Variants in EFCAB8 observed in about 807,000 individuals in gnomAD.
The protein encoded by EFCAB8 is EF-hand calcium binding domain 8.
In EFCAB8, 100 loss-of-function variants were observed where a neutral mutation model predicts 116.3. That is an observed-to-expected ratio of 0.86 (90% CI 0.73 to 1.02). The LOEUF (loss-of-function observed/expected upper bound fraction) is 1.02, where lower values mean the gene tolerates loss of function less well. EFCAB8 is among the 50% of genes least tolerant of loss of function. The probability of loss-of-function intolerance (pLI) is 0.00; values close to 1 mark genes in which losing one functional copy is unlikely to be tolerated. For synonymous variants in EFCAB8, 558 were observed against 567.9 expected (o/e 0.98, Z 0.25); for missense variants, 1,320 against 1,416.9 (o/e 0.93, Z 1.10).
intron 6 of EFCAB8, among the ~76,000 whole-genome samples, chr20:32,888,942 T>G (rs1457771395): frequency 1.3e-5 from 2 of 150,356 alleles, no homozygotes; most frequent in African/African-American, 4.9e-5. Context: ...TATTCAAGAG[T>G]TTGGTTGGTT....
chr20:32,927,108 A>G (rs547247206), intron 20 of EFCAB8, among the ~76,000 whole-genome samples: 130 of 152,308 alleles, frequency 8.5e-4, no homozygotes, highest in Non-Finnish European at 1.4e-3. Context: ...GCACAAAATT[A>G]TAAAAAATTA....
In EFCAB8 at chr20:32,960,045, T is replaced by C. The variant is rs1989093495; in HGVS notation, c.3295-18T>C. On this transcript the variant is annotated intron_variant, in intron 25 of 26. Coordinates refer to ENST00000400522, the MANE Select transcript of EFCAB8 (RefSeq NM_001143967.2). ...ACCCCCAACTCGCAGCCTTCATTCT[T>C]GGGCGTGGCTCCTGCAGGTGAGCAA... 1 of 1,551,588 alleles carries C rather than the reference T, an allele frequency of 6.4e-7. No homozygotes were observed. The highest frequency in any genetic ancestry group is 8.7e-7 in the Non-Finnish European group (1 of 1,146,942).
At chr20:32,906,209 T>C (rs954127662) in intron 11 of EFCAB8, among the ~76,000 whole-genome samples, 10 of 152,164 alleles carry the variant, frequency 6.6e-5, no homozygotes, top group South Asian at 2.1e-4. Context: ...GTACAGTTGA[T>C]GTGAAAATCA....
intron 20 of EFCAB8, among the ~76,000 whole-genome samples, chr20:32,921,917 C>T (rs988893399): frequency 2.0e-5 from 3 of 149,980 alleles, no homozygotes; most frequent in Admixed American, 6.7e-5. Flanking sequence ...TGCACCTCTG[C>T]GTCCTGAGTT....
intron 22 of EFCAB8, among the ~76,000 whole-genome samples, chr20:32,942,810 G>A (rs577266321): frequency 1.2e-4 from 19 of 152,106 alleles, no homozygotes; most frequent in African/African-American, 4.1e-4. Flanking sequence ...TCATTTGGGT[G>A]TAAGATAAAA....
chr20:32,878,822 C>T lies in EFCAB8; in HGVS notation c.431+15C>T. On this transcript the variant is annotated intron_variant, in intron 5 of 26. Coordinates refer to ENST00000400522, the MANE Select transcript of EFCAB8 (RefSeq NM_001143967.2). Reference sequence around the variant, plus strand: ...GTCGTCCCCCTGTAAGGAGCCTCTTCCTGGGCCTTGGTGGGTGGGGTGACT... The same window carrying T: ...GTCGTCCCCCTGTAAGGAGCCTCTTTCTGGGCCTTGGTGGGTGGGGTGACT... 1 of 1,550,146 alleles carries T rather than the reference C, an allele frequency of 6.5e-7. No homozygotes were observed.
At chr20:32,892,148 C>T in intron 7 of EFCAB8, 65 bp from the exon 8 acceptor site, 1 of 1,384,122 alleles carries the variant, frequency 7.2e-7, no homozygotes, top group Admixed American at 2.0e-5. Context: ...TGAGGCTGCT[C>T]ACTGTGACTG....
At chr20:32,911,767 C>A in intron 16 of EFCAB8, 60 bp downstream of exon 16, 4 of 1,491,170 alleles carry the variant, frequency 2.7e-6, no homozygotes, top group Non-Finnish European at 2.7e-6. Flanking sequence ...AGCACAGCTC[C>A]TTTGACCCTG....
At chr20:32,934,586 C>A (rs1988031361) in intron 22 of EFCAB8, among the ~76,000 whole-genome samples, 1 of 152,182 alleles carries the variant, frequency 6.6e-6, no homozygotes, top group African/African-American at 2.4e-5. Context: ...CCACACAAAT[C>A]TCATCTTGAA....
At chr20:32,918,287 C>T in intron 18 of EFCAB8, 75 bp from the exon 19 acceptor site, 1 of 1,435,142 alleles carries the variant, frequency 7.0e-7, no homozygotes, top group Non-Finnish European at 9.6e-7. Flanking sequence ...GTGGTGTTGG[C>T]ATTGATCTGG....
intron 3 of EFCAB8, among the ~76,000 whole-genome samples, chr20:32,875,251 G>A (rs1383463537): frequency 6.6e-6 from 1 of 152,160 alleles, no homozygotes; most frequent in Non-Finnish European, 1.5e-5. Context: ...AGATAACCAT[G>A]TGAGGACAGA....
rs563767844 is a variant in EFCAB8 at position 32,960,083 on chromosome 20, G to A, written c.3315G>A (p.Ala1105=). The A allele has an allele frequency of 2.8e-5, 43 of 1,551,674 alleles. No individual in the cohort carries two copies. Among genetic ancestry groups the A allele is most frequent in the South Asian group, 1.5e-4 (13 of 84,062 alleles). The change falls in exon 26 of 27, where the codon GCG becomes GCA. Residue 1105 remains alanine (A), a synonymous_variant. Coordinates refer to ENST00000400522, the MANE Select transcript of EFCAB8 (RefSeq NM_001143967.2). Reference sequence around the variant, plus strand: ...TGCAGGTGAGCAAAGTCTTGGGAGCGGCGTATAAGCCCAAGGAACGCTTGC... The same window carrying A: ...TGCAGGTGAGCAAAGTCTTGGGAGCAGCGTATAAGCCCAAGGAACGCTTGC... ...RDKQVSKVLG[A]AYKPKERLQN...
At chr20:32,867,448 A>T (rs1436315855) in intron 2 of EFCAB8, 134 bp from the exon 3 acceptor site, 1 of 988,678 alleles carries the variant, frequency 1.0e-6, no homozygotes, top group Non-Finnish European at 1.5e-6. Flanking sequence ...AGAATTCTGT[A>T]TTTCTGTCAG....
intron 9 of EFCAB8, among the ~76,000 whole-genome samples, chr20:32,895,161 A>G (rs544216297): frequency 3.3e-5 from 5 of 151,860 alleles, no homozygotes; most frequent in Admixed American, 2.0e-4. Context: ...TGCTGGCTCT[A>G]CTCGTCTGTG....
At chr20:32,959,724 G>T in intron 24 of EFCAB8, 54 bp from the exon 25 acceptor site, 1 of 1,356,204 alleles carries the variant, frequency 7.4e-7, no homozygotes, top group Non-Finnish European at 9.9e-7. Flanking sequence ...TTCTGGGAGG[G>T]TCACCCTGCT....
chr20:32,913,473 G>A (rs182344440), intron 17 of EFCAB8, among the ~76,000 whole-genome samples: 95 of 152,160 alleles, frequency 6.2e-4, no homozygotes, highest in Admixed American at 9.2e-4. Flanking sequence ...ATGAATTTTG[G>A]GAGCAAAATT....
intron 1 of EFCAB8, among the ~76,000 whole-genome samples, chr20:32,861,082 C>A (rs905671175): frequency 6.6e-6 from 1 of 152,126 alleles, no homozygotes; most frequent in African/African-American, 2.4e-5. Flanking sequence ...TCTCTCTTAG[C>A]TGCTGGAAGT....
In EFCAB8 at chr20:32,917,299, A is replaced by T; in HGVS notation, c.1857-2A>T. The stretch of plus-strand genomic sequence containing the variant: ...CCCTCCTGCCTCTGGCCATATGCAC[A>T]GGTTCCACAAGACCAAGCCAGTGCT... On this transcript the variant is annotated splice_acceptor_variant, in intron 17 of 26. Transcript: ENST00000400522. LOFTEE classifies it high-confidence loss of function. 6.5e-7 allele frequency: 1 copy of T among 1,550,120 alleles called. No homozygotes were observed. Among genetic ancestry groups the T allele is most frequent in the Non-Finnish European group, 8.7e-7 (1 of 1,145,662 alleles).
At chr20:32,899,345 C>CAGTGAG (rs1986317857) in intron 11 of EFCAB8, among the ~76,000 whole-genome samples, 1 of 144,904 alleles carries the variant, frequency 6.9e-6, no homozygotes, top group Non-Finnish European at 1.5e-5. Context: ...GTGGAGCTTG[C>CAGTGAG]AGTGAGCCGA....
Sources: gnomAD v4.1 joint callset for allele counts (sites outside exome capture counted in the v4.1 genomes callset) on GRCh38, gnomAD v4.1.1 for gene constraint, MANE v1.5 for transcripts, NCBI Gene and HGNC (gene_info 2026-07-23, HGNC 2026-07-21) for gene names.